MDM1: variants seen among roughly 807,000 people sequenced by gnomAD.
The protein encoded by MDM1 is stabilizer of axonemal microtubules 6.
A neutral mutation model predicts 89.1 loss-of-function variants in MDM1; 61 were observed. That is an observed-to-expected ratio of 0.68 (90% CI 0.56 to 0.85). The LOEUF is 0.85. Ranked by LOEUF, MDM1 falls within the 40% of genes least tolerant of loss-of-function variation. The pLI, the probability that MDM1 is intolerant of heterozygous loss-of-function variation, is 0.00. For missense variants in MDM1, 820 were observed against 846.5 expected, an observed-to-expected ratio of 0.97 and a Z score of 0.39; for synonymous variants, 290 against 294.1, an observed-to-expected ratio of 0.99 and a Z score of 0.14.
At chr12:68,323,024 T>A (rs762025300) in intron 5 of MDM1, 49 bp downstream of exon 5, 1 of 1,549,176 alleles carries the variant, frequency 6.5e-7, no homozygotes, top group Non-Finnish European at 8.7e-7. Context: ...ACGTGGAGAA[T>A]CTAAAATAAC....
intron 12 of MDM1, among the ~76,000 whole-genome samples, chr12:68,306,154 T>G (rs967070489): frequency 6.6e-6 from 1 of 151,452 alleles, no homozygotes; most frequent in Non-Finnish European, 1.5e-5. Context: ...CCAAAAAAAA[T>G]GAACAATGGA....
chr12:68,316,906 C>T (rs943635381), intron 7 of MDM1, among the ~76,000 whole-genome samples: 2 of 152,176 alleles, frequency 1.3e-5, no homozygotes, highest in Non-Finnish European at 2.9e-5. Flanking sequence ...AAATCCCTAA[C>T]CCAGCTTTAT....
At position 68,294,785 on chromosome 12, in the gene MDM1, C is replaced by T. The variant is rs1029172861; in HGVS notation, c.*469G>A. The T allele has an allele frequency of 6.6e-6, 1 of 152,120 alleles. No homozygotes were observed. Among genetic ancestry groups the T allele is most frequent in the Non-Finnish European group, 1.5e-5 (1 of 68,040 alleles). The allele number at this position is 152,120 out of a possible 1,614,324, so 9.4% of individuals were successfully genotyped here. A position where few individuals can be genotyped will look rare whatever the true frequency, so the allele number is the denominator to read the frequency against. On this transcript the variant is annotated 3_prime_UTR_variant, in exon 15 of 15. Coordinates refer to ENST00000682720, the MANE Select transcript of MDM1 (RefSeq NM_001354969.2). ...TGTTTTCAAAGTACAATTATCTTAACACTGCAAACATGTATAGAAGGAACT... is the reference window on the plus strand; with the variant it reads ...TGTTTTCAAAGTACAATTATCTTAATACTGCAAACATGTATAGAAGGAACT...
chr12:68,327,259 C>CG (rs1876139092), intron 2 of MDM1: 76 of 1,406,104 alleles, frequency 5.4e-5, no homozygotes, highest in South Asian at 1.9e-4. Context: ...AATTAAAAAT[C>CG]AGGGGGTCAC....
Position 68,302,649 on chromosome 12 carries a change from G to A in MDM1, c.1973C>T (p.Ser658Phe), listed in dbSNP as rs146977411. 1.1e-4 allele frequency: 177 copies of A among 1,613,536 alleles called. 2 individuals are homozygous for A. The Middle Eastern group carries it at 1.5e-3, about 14-fold the overall frequency. Residue 658 changes from serine to phenylalanine, a missense_variant, in exon 13 of 15, where the codon TCT becomes TTT. Coordinates refer to ENST00000682720, the MANE Select transcript of MDM1 (RefSeq NM_001354969.2). Reference sequence around the variant, plus strand: ...GTGCTGAAACTCTGGATCTCTAAGAGAGCCCTGAATTCGTCGAGAGGGATG... The same window carrying A: ...GTGCTGAAACTCTGGATCTCTAAGAAAGCCCTGAATTCGTCGAGAGGGATG... ...YWHPSRRIQG[S>F]LRDPEFQHNV...
intron 7 of MDM1, among the ~76,000 whole-genome samples, chr12:68,318,715 GA>G (rs1874822018): frequency 6.6e-6 from 1 of 152,122 alleles, no homozygotes; most frequent in Non-Finnish European, 1.5e-5. Flanking sequence ...AAAAAGGATA[GA>G]AATAAACCAT....
chr12:68,326,326 C>G, intron 3 of MDM1: 1 of 1,373,706 alleles, frequency 7.3e-7, no homozygotes, highest in South Asian at 1.8e-5. Flanking sequence ...AGCACCCTGC[C>G]AGAAGTAAGG....
Position 68,321,397 on chromosome 12 carries a change from A to G in MDM1, c.955T>C (p.Leu319=). 1 of 1,613,846 alleles carries G rather than the reference A, an allele frequency of 6.2e-7. No individual in the cohort carries two copies. The highest frequency in any genetic ancestry group is 8.5e-7 in the Non-Finnish European group (1 of 1,179,866). ...RAKFLSPAQY[L]YKAGAWTHVK... Reference sequence around the variant, plus strand: ...TGTGTCCAAGCCCCAGCTTTATATAAATACTGAGCTGGGCTCAGAAATTTT... The same window carrying G: ...TGTGTCCAAGCCCCAGCTTTATATAGATACTGAGCTGGGCTCAGAAATTTT... The change falls in exon 7 of 15, where the codon TTA becomes CTA. Residue 319 remains leucine, a synonymous_variant. Transcript: ENST00000682720.
chr12:68,315,843 C>G (rs551818334), intron 9 of MDM1, among the ~76,000 whole-genome samples: 1 of 152,170 alleles, frequency 6.6e-6, no homozygotes, highest in African/African-American at 2.4e-5. Flanking sequence ...TAACTGCCAA[C>G]AAAAAATATT....
rs1592983181 is a variant in MDM1 at position 68,321,555 on chromosome 12, T to G, written c.875A>C (p.Lys292Thr). 6.2e-7 allele frequency: 1 copy of G among 1,613,376 alleles called. No homozygotes were observed. Among genetic ancestry groups the G allele is most frequent in the East Asian group, 2.2e-5 (1 of 44,814 alleles). Reference sequence around the variant, plus strand: ...CCTTTGATGTTTCCAAGGAGTAAGCTTCCTTTTAGGCTGGTGTAAGTCTTT... The same window carrying G: ...CCTTTGATGTTTCCAAGGAGTAAGCGTCCTTTTAGGCTGGTGTAAGTCTTT... ...ELKDLHQPKR[K>T]LTPWKHQRLG... Residue 292 changes from lysine to threonine, a missense_variant, in exon 6 of 15, where the codon AAG (lysine) becomes ACG (threonine). Lys to Thr is a moderately conservative substitution (Grantham distance 78, BLOSUM62 -1). Coordinates refer to ENST00000682720, the MANE Select transcript of MDM1 (RefSeq NM_001354969.2).
chr12:68,313,652 G>A lies in MDM1; in HGVS notation c.1631C>T (p.Pro544Leu), dbSNP rs1272767729. The A allele has an allele frequency of 6.2e-7, 1 of 1,613,698 alleles. No individual in the cohort carries two copies. Among genetic ancestry groups the A allele is most frequent in the African/African-American group, 1.3e-5 (1 of 75,026 alleles). Reference protein sequence around the residue: ...IQRTHHDLTTPAVGGAVLVSP... With the variant: ...IQRTHHDLTTLAVGGAVLVSP... ...CGGTGTTTGCCGATTACCAACAGCTGGAGTAGTGAGATCATGATGAGTCCT... is the reference window on the plus strand; with the variant it reads ...CGGTGTTTGCCGATTACCAACAGCTAGAGTAGTGAGATCATGATGAGTCCT... Residue 544 changes from proline to leucine, a missense_variant, in exon 11 of 15, where the codon CCA (proline) becomes CTA (leucine). Pro to Leu is a moderately conservative substitution (Grantham distance 98). Transcript: ENST00000682720.
At chr12:68,311,102 C>CAT in intron 12 of MDM1, among the ~76,000 whole-genome samples, 1 of 152,304 alleles carries the variant, frequency 6.6e-6, no homozygotes, top group South Asian at 2.1e-4. Context: ...ATCCCTTCTT[C>CAT]ATATATACCT....
rs1367257910 is a variant in MDM1, at chr12:68,302,772, T to C, written c.1850A>G (p.Lys617Arg). Residue 617 changes from lysine to arginine, a missense_variant, in exon 13 of 15, where the codon AAA (lysine) becomes AGA (arginine). Transcript: ENST00000682720. ...AACTGGAAGAGTTGCCTCAGCAAAT[T>C]TGTGGATATTGTCTTCAGAATCTTC... ...LREDSEDNIH[K>R]FAEATLPVSK... 5 of 1,613,846 alleles carry C rather than the reference T, an allele frequency of 3.1e-6. No homozygotes were observed. Among genetic ancestry groups the C allele is most frequent in the East Asian group, 2.2e-5 (1 of 44,860 alleles).
At chr12:68,318,449 TTC>T (rs1874783582) in intron 7 of MDM1, among the ~76,000 whole-genome samples, 1 of 152,216 alleles carries the variant, frequency 6.6e-6, no homozygotes, top group Non-Finnish European at 1.5e-5. Flanking sequence ...CTTTGATTTA[TTC>T]AGTTCTATTT....
chr12:68,323,540 G>T lies in MDM1; in HGVS notation c.634-300C>A, dbSNP rs549510884. On this transcript the variant is annotated intron_variant, in intron 4 of 14. Transcript: ENST00000682720. Reference sequence around the variant, plus strand: ...GGCAACTCTGTTGTCAGTTCTACAGGTTTTTTTCTTCCTCCCTGACATGAT... The same window carrying T: ...GGCAACTCTGTTGTCAGTTCTACAGTTTTTTTTCTTCCTCCCTGACATGAT... 66 of 184,856 alleles carry T rather than the reference G, an allele frequency of 3.6e-4. 1 individual carries two copies. In the South Asian group the frequency reaches 7.4e-3, roughly 21 times the overall value. 11.5% of individuals were successfully genotyped at this position (184,856 alleles called of 1,614,324 possible).
At position 68,309,903 on chromosome 12, in the gene MDM1, G is replaced by A. The variant is rs557950596; in HGVS notation, c.1749+3540C>T. Reference sequence around the variant, plus strand: ...GGTATAGTCCCTGGTAGTGCTGGTCGCAGAAAATTCACATGGAAGGATATC... The same window carrying A: ...GGTATAGTCCCTGGTAGTGCTGGTCACAGAAAATTCACATGGAAGGATATC... On this transcript the variant is annotated intron_variant, in intron 12 of 14. Transcript: ENST00000682720. Among the ~76,000 whole-genome samples, 7 of 152,322 alleles carry A rather than the reference G, an allele frequency of 4.6e-5. 1 individual carries two copies. The highest frequency in any genetic ancestry group is 1.4e-4 in the African/African-American group (6 of 41,580).
At chr12:68,326,540 T>C (rs1481307269) in intron 3 of MDM1, 117 bp downstream of exon 3, 3 of 1,605,606 alleles carry the variant, frequency 1.9e-6, no homozygotes, top group Admixed American at 1.7e-5. Context: ...TTATAGACAT[T>C]AGACAAGAAA....
intron 12 of MDM1, among the ~76,000 whole-genome samples, chr12:68,309,512 A>T (rs887986943): frequency 2.4e-4 from 36 of 152,330 alleles, no homozygotes; most frequent in African/African-American, 8.4e-4. Flanking sequence ...CAGGTTTCAT[A>T]AGATTATGTA....
chr12:68,310,520 T>A (rs1873534706), intron 12 of MDM1, among the ~76,000 whole-genome samples: 1 of 152,224 alleles, frequency 6.6e-6, no homozygotes, highest in Non-Finnish European at 1.5e-5. Context: ...GATGGCAGCC[T>A]GGATTTCTAA....
Sources: allele counts gnomAD v4.1 joint callset (sites outside exome capture counted in the v4.1 genomes callset), GRCh38; gene constraint gnomAD v4.1.1; transcripts MANE v1.5; gene names NCBI Gene and HGNC (gene_info 2026-07-23, HGNC 2026-07-21).